The following HELZ2 variants were observed in gnomAD, a reference collection of about 807,000 sequenced individuals.
The protein encoded by HELZ2 is helicase with zinc finger 2, also known as 3'-5' exoribonuclease HELZ2.
Under a neutral mutation model 208.8 loss-of-function variants are expected in HELZ2, and 143 were observed. The ratio of observed to expected loss-of-function variants is 0.68; its 90% confidence interval spans 0.60 to 0.79. The LOEUF is 0.79. Ranked by LOEUF, HELZ2 falls within the 30% of genes least tolerant of loss-of-function variation. The pLI is 0.00. For synonymous variants in HELZ2, 1,705 were observed against 1,693.7 expected, an observed-to-expected ratio of 1.01 and a Z score of -0.16; for missense variants, 3,690 against 3,794.5, an observed-to-expected ratio of 0.97 and a Z score of 0.72.
At chr20:63,560,367 C>G (rs756051505) in intron 16 of HELZ2, 40 bp from the exon 18 acceptor site, 1 of 1,562,954 alleles carries the variant, frequency 6.4e-7, no homozygotes, top group Non-Finnish European at 8.6e-7. Flanking sequence ...ACCCTGGTGT[C>G]TCTCCTGCCC....
At chr20:63,563,158 G>A (rs753152930) in exon 8 of HELZ2, 3 of 1,592,458 alleles carry the variant, frequency 1.9e-6, no homozygotes, top group South Asian at 2.2e-5. Context: ...GCAGGCTGGT[G>A]CCGAGCTGCA....
rs771244883 is a variant in HELZ2 at position 63,561,611 on chromosome 20, G to C, written c.6826C>G (p.Gln2276Glu). Residue 2276 changes from glutamine (Q) to glutamate (E), a missense_variant, in exon 12 of 19, where the codon CAG becomes GAG. This residue lies in a region of HELZ2 where 2,564 missense variants were observed against 2,580.5 expected (regional missense o/e 0.99). Coordinates refer to ENST00000467148, the Ensembl canonical transcript of HELZ2. ...AGACAGCAGGCACACCTGAGGCTCT[G>C]GTTCGGCCTCCCCTCCCGGGGGCTC... The C allele has an allele frequency of 2.7e-5, 43 of 1,606,274 alleles. 2 individuals carry two copies. The highest frequency in any genetic ancestry group is 2.7e-4 in the South Asian group (24 of 89,902).
At chr20:63,566,176 G>C in exon 8 of HELZ2, 1 of 1,534,246 alleles carries the variant, frequency 6.5e-7, no homozygotes, top group Non-Finnish European at 8.7e-7. Context: ...CCCCAGGGCT[G>C]AGCAGGCTCT....
At chr20:63,559,348 G>A in exon 19 of HELZ2, 2 of 1,601,498 alleles carry the variant, frequency 1.2e-6, no homozygotes, top group Non-Finnish European at 1.7e-6. Context: ...AGAGGGGGCA[G>A]CAGCGCAGAA....
At chr20:63,562,373 C>G (rs763927289) in exon 9 of HELZ2, 1 of 1,586,936 alleles carries the variant, frequency 6.3e-7, no homozygotes, top group Non-Finnish European at 8.5e-7. Context: ...GCACGGCTTC[C>G]TCCTTGCGGC....
exon 8 of HELZ2, chr20:63,564,265 G>A (rs539893308): frequency 1.8e-5 from 29 of 1,611,242 alleles, no homozygotes; most frequent in Middle Eastern, 1.7e-4. Flanking sequence ...TGTGGGCCGC[G>A]CGGAAGCCCA....
Position 63,564,625 on chromosome 20 carries a change from G to A in HELZ2, c.4197C>T (p.Pro1399=), listed in dbSNP as rs373892239. 1.1e-4 allele frequency: 165 copies of A among 1,568,444 alleles called. 1 individual carries two copies. In the African/African-American group the frequency reaches 1.8e-3, roughly 17 times the overall value. Residue 1399 remains proline (P), a synonymous_variant, in exon 8 of 19, where the codon CCC becomes CCT. Coordinates refer to ENST00000467148, the Ensembl canonical transcript of HELZ2. ...GCAGCATGGGCACTGGCTCCCTGCCGGGGGCATAGAACGCAGCGCCCTGCC... is the reference window on the plus strand; with the variant it reads ...GCAGCATGGGCACTGGCTCCCTGCCAGGGGCATAGAACGCAGCGCCCTGCC...
In HELZ2 at chr20:63,570,676, C is replaced by G. The variant is rs993984506; in HGVS notation, c.462+9G>C. 1.3e-5 allele frequency: 12 copies of G among 956,466 alleles called. No individual in the cohort carries two copies. Among genetic ancestry groups the G allele is most frequent in the Non-Finnish European group, 1.8e-5 (12 of 656,320 alleles). 59.2% of individuals were successfully genotyped at this position (956,466 alleles called of 1,614,324 possible). On this transcript the variant is annotated intron_variant, in intron 2 of 18. Coordinates refer to ENST00000467148, the Ensembl canonical transcript of HELZ2. ...CACCCCACCCCACCCACTCCCAGGG[C>G]CCACTTACCACAAGGACCTCACTGC...
chr20:63,563,892 G>A (rs753048634), exon 8 of HELZ2: 24 of 1,596,762 alleles, frequency 1.5e-5, no homozygotes, highest in East Asian at 2.3e-5. Flanking sequence ...AACGCCGAGC[G>A]CTCCAGGGCC....
At chr20:63,566,106 G>C in exon 8 of HELZ2, 3 of 1,584,640 alleles carry the variant, frequency 1.9e-6, no homozygotes, top group Non-Finnish European at 2.6e-6. Flanking sequence ...AGCTGGGACT[G>C]GGCGCGGGTC....
At chr20:63,572,325 G>T in exon 1 of HELZ2, 1 of 1,586,066 alleles carries the variant, frequency 6.3e-7, no homozygotes, top group Non-Finnish European at 8.5e-7. Context: ...TCAGGGGCAG[G>T]GGGTGTGAGC....
chr20:63,565,751 G>T, exon 8 of HELZ2: 1 of 1,602,324 alleles, frequency 6.2e-7, no homozygotes, highest in East Asian at 2.2e-5. Context: ...TCCTGCTGGT[G>T]CTGCCGCAGC....
chr20:63,559,373 G>A lies in HELZ2; in HGVS notation c.7826-3C>T, dbSNP rs771112650. 7.5e-6 allele frequency: 12 copies of A among 1,590,998 alleles called. No individual in the cohort carries two copies. Among genetic ancestry groups the A allele is most frequent in the Non-Finnish European group, 9.4e-6 (11 of 1,165,286 alleles). On this transcript the variant is annotated splice_polypyrimidine_tract_variant and splice_region_variant and intron_variant, in intron 18 of 18. Coordinates refer to ENST00000467148, the Ensembl canonical transcript of HELZ2. ...GCAGCGCAGAAGGAGGTGGTCTCCTGTGAGGGTGGGAGTCAGATGGGAGTC... is the reference window on the plus strand; with the variant it reads ...GCAGCGCAGAAGGAGGTGGTCTCCTATGAGGGTGGGAGTCAGATGGGAGTC...
At chr20:63,570,937 C>A (rs1057053207) in intron 1 of HELZ2, 69 bp from the exon 3 acceptor site, 4 of 1,300,152 alleles carry the variant, frequency 3.1e-6, no homozygotes, top group Non-Finnish European at 4.3e-6. Flanking sequence ...AAGGCCGGGA[C>A]CCCTCAGCCC....
intron 17 of HELZ2, 29 bp downstream of exon 18, chr20:63,560,142 C>A: frequency 1.3e-6 from 2 of 1,545,036 alleles, no homozygotes. Context: ...CCCACCCTCC[C>A]GGCCCCACCC....
At chr20:63,571,128 C>T (rs2038944161) in intron 1 of HELZ2, 1 of 450,836 alleles carries the variant, frequency 2.2e-6, no homozygotes, top group South Asian at 4.2e-5. Context: ...ACCTGGGAGC[C>T]TCTGGCTCTG....
At chr20:63,566,494 T>G (rs373299327) in intron 6 of HELZ2, 41 bp from the exon 8 acceptor site, 3 of 1,517,422 alleles carry the variant, frequency 2.0e-6, no homozygotes, top group Non-Finnish European at 2.7e-6. Flanking sequence ...CTGGACGCAG[T>G]GAGGACTCGG....
chr20:63,562,833 TCTC>T, exon 8 of HELZ2: 4 of 1,610,338 alleles, frequency 2.5e-6, no homozygotes, highest in African/African-American at 1.3e-5. Flanking sequence ...TCGGCACAGT[TCTC>T]CTCGAGGAAG....
exon 8 of HELZ2, chr20:63,564,235 C>T: frequency 1.9e-6 from 3 of 1,612,052 alleles, no homozygotes; most frequent in Non-Finnish European, 2.5e-6. Context: ...TAAACTGAAT[C>T]ATGTACTCCT....
Sources: allele counts gnomAD v4.1 joint callset, GRCh38; gene constraint gnomAD v4.1.1; regional missense constraint gnomAD v4.1.1; transcripts MANE v1.5; gene names NCBI Gene and HGNC (gene_info 2026-07-23, HGNC 2026-07-21).